The following MYO1D variants were observed in gnomAD, a reference collection of about 807,000 sequenced individuals.
The protein encoded by MYO1D is myosin ID, also known as unconventional myosin-Id.
MYO1D carries 83 observed loss-of-function variants against 122.0 expected under a neutral mutation model. The ratio of observed to expected loss-of-function variants is 0.68; its 90% CI spans 0.57 to 0.82. The LOEUF (loss-of-function observed/expected upper bound fraction) is 0.82. Among genes scored for constraint, MYO1D ranks in the 40% least tolerant of loss-of-function variants. MYO1D has a pLI of 0.00. For synonymous variants in MYO1D, 464 were observed against 446.9 expected (o/e 1.04, Z -0.48); for missense variants, 1,157 against 1,269.5 (o/e 0.91, Z 1.35).
At chr17:32,779,674 T>TCC (rs967017733) in intron 2 of MYO1D, among the ~76,000 whole-genome samples, 16 of 152,046 alleles carry the variant, frequency 1.1e-4, no homozygotes, top group African/African-American at 3.9e-4. Context: ...GTTTTTATTC[T>TCC]CCCCTTTAAA....
chr17:32,803,209 T>G (rs1479312610), intron 1 of MYO1D, among the ~76,000 whole-genome samples: 1 of 152,148 alleles, frequency 6.6e-6, no homozygotes, highest in Non-Finnish European at 1.5e-5. Flanking sequence ...TGCAGTGGCG[T>G]GATCTCGGCT....
chr17:32,831,759 G>A (rs748233815), intron 1 of MYO1D, among the ~76,000 whole-genome samples: 1 of 152,100 alleles, frequency 6.6e-6, no homozygotes. Flanking sequence ...TAAATGCTGG[G>A]GTGTTTGTAC....
chr17:32,571,798 C>T (rs1322508327), intron 21 of MYO1D, among the ~76,000 whole-genome samples: 1 of 152,066 alleles, frequency 6.6e-6, no homozygotes, highest in Non-Finnish European at 1.5e-5. Context: ...AGAATATTAC[C>T]ATTTTACTCT....
intron 7 of MYO1D, among the ~76,000 whole-genome samples, chr17:32,765,407 G>C (rs1051936349): frequency 1.4e-4 from 21 of 152,048 alleles, no homozygotes; most frequent in African/African-American, 5.1e-4. Flanking sequence ...AGCATTTGAT[G>C]CTTTCCTCTA....
chr17:32,603,378 T>C (rs2150911993), intron 21 of MYO1D, among the ~76,000 whole-genome samples: 1 of 152,282 alleles, frequency 6.6e-6, no homozygotes, highest in African/African-American at 2.4e-5. Flanking sequence ...AGTACTGGTA[T>C]CCAAATTAAG....
At chr17:32,706,232 G>T (rs1288156074) in intron 16 of MYO1D, among the ~76,000 whole-genome samples, 1 of 152,124 alleles carries the variant, frequency 6.6e-6, no homozygotes, top group Non-Finnish European at 1.5e-5. Context: ...TCAGCCTCCT[G>T]AGTAGCTGGG....
At chr17:32,858,374 A>T (rs1230665489) in intron 1 of MYO1D, among the ~76,000 whole-genome samples, 1 of 152,244 alleles carries the variant, frequency 6.6e-6, no homozygotes, top group African/African-American at 2.4e-5. Flanking sequence ...GCAAAAGTAT[A>T]CAGTTCAGCA....
intron 2 of MYO1D, among the ~76,000 whole-genome samples, chr17:32,779,205 T>C (rs2090210861): frequency 6.6e-6 from 1 of 152,094 alleles, no homozygotes; most frequent in Non-Finnish European, 1.5e-5. Flanking sequence ...AAATTTCTCC[T>C]AAGGAAATAC....
intron 20 of MYO1D, among the ~76,000 whole-genome samples, chr17:32,625,946 C>T (rs2087922314): frequency 1.3e-5 from 2 of 152,234 alleles, no homozygotes. Context: ...GTCACACACA[C>T]AAATGATGAA....
intron 1 of MYO1D, among the ~76,000 whole-genome samples, chr17:32,842,890 T>TC (rs2090897084): frequency 7.3e-6 from 1 of 136,078 alleles, no homozygotes; most frequent in Non-Finnish European, 1.6e-5. Context: ...TTCTTTCTTT[T>TC]TTTTTTTTTT....
At position 32,767,662 on chromosome 17, in the gene MYO1D, T is replaced by C; in HGVS notation, c.805A>G (p.Lys269Glu). ...FKPEEIQTVY[K>E]ILAAILHLGN... ...AAGTGCAGAATAGCAGCCAAAATCT[T>C]ATACACTGTTTGGATCTCCTCAGGT... The change falls in exon 7 of 22, where the codon AAG becomes GAG. Residue 269 changes from lysine to glutamate, a missense_variant. Lys to Glu is a moderately conservative substitution (Grantham distance 56). Transcript: ENST00000318217. 6.2e-7 allele frequency: 1 copy of C among 1,613,208 alleles called. No homozygotes were observed.
chr17:32,766,004 C>T (rs2090052478), intron 7 of MYO1D, among the ~76,000 whole-genome samples: 1 of 152,052 alleles, frequency 6.6e-6, no homozygotes, highest in Non-Finnish European at 1.5e-5. Flanking sequence ...CACCCCCAGC[C>T]CCTCTAAATA....
chr17:32,790,765 G>A (rs1340759646), intron 1 of MYO1D, among the ~76,000 whole-genome samples: 4 of 152,190 alleles, frequency 2.6e-5, no homozygotes, highest in African/African-American at 9.6e-5. Flanking sequence ...AGTATATGCA[G>A]GGCAAAGAGA....
At position 32,555,546 on chromosome 17, in the gene MYO1D, C is replaced by T. The variant is rs1024481462; in HGVS notation, c.2864+49541G>A. 2.6e-5 allele frequency among the ~76,000 whole-genome samples: 4 copies of T among 152,170 alleles called. 1 individual carries two copies. ...TTTTTAAGTGGAAACACAAAATCCT[C>T]CTCTGTTCTGGCTGCCTGTTGTCTG... is the stretch of plus-strand genomic sequence containing the variant. On this transcript the variant is annotated intron_variant, in intron 21 of 21. Transcript: ENST00000318217.
At chr17:32,823,562 T>A (rs2090694290) in intron 1 of MYO1D, among the ~76,000 whole-genome samples, 1 of 152,154 alleles carries the variant, frequency 6.6e-6, no homozygotes, top group Non-Finnish European at 1.5e-5. Flanking sequence ...AGGTTGGTCA[T>A]ATATATCCCC....
intron 21 of MYO1D, chr17:32,518,710 TG>T (rs1282868838): frequency 6.6e-6 from 1 of 152,242 alleles, no homozygotes; most frequent in Non-Finnish European, 1.5e-5. Flanking sequence ...CCACTAGAGC[TG>T]CTATGTTGCT....
chr17:32,561,778 A>G (rs1163638402), intron 21 of MYO1D, among the ~76,000 whole-genome samples: 1 of 141,830 alleles, frequency 7.1e-6, no homozygotes, highest in Non-Finnish European at 1.5e-5. Flanking sequence ...CATCATCTAG[A>G]GAGAGAACCA....
chr17:32,844,537 T>C (rs1180188479), intron 1 of MYO1D, among the ~76,000 whole-genome samples: 3 of 151,412 alleles, frequency 2.0e-5, no homozygotes, highest in Non-Finnish European at 2.9e-5. Flanking sequence ...CTGGGGAACA[T>C]AGCAAGACTA....
intron 21 of MYO1D, among the ~76,000 whole-genome samples, chr17:32,603,154 C>G (rs2087582281): frequency 6.6e-6 from 1 of 151,720 alleles, no homozygotes; most frequent in African/African-American, 2.4e-5. Context: ...ATTAAAAATC[C>G]TTACATACAT....
Sources: allele counts gnomAD v4.1 joint callset (sites outside exome capture counted in the v4.1 genomes callset), GRCh38; gene constraint gnomAD v4.1.1; transcripts MANE v1.5; gene names NCBI Gene and HGNC (gene_info 2026-07-23, HGNC 2026-07-21).